The following KLHL1 variants were observed in gnomAD, a reference collection of about 807,000 sequenced individuals.
KLHL1 encodes kelch-like protein 1.
A neutral mutation model predicts 77.7 loss-of-function variants in KLHL1; 47 were observed. The observed-to-expected ratio is 0.60, with a 90% CI of 0.48 to 0.77. KLHL1 has a LOEUF of 0.77. Ranked by LOEUF, KLHL1 falls within the 30% of genes least tolerant of loss-of-function variation. The pLI is 0.00. For missense variants in KLHL1, 925 were observed against 910.8 expected, an observed-to-expected ratio of 1.02 and a Z score of -0.20; for synonymous variants, 360 against 325.2, an observed-to-expected ratio of 1.11 and a Z score of -1.15.
intron 4 of KLHL1, among the ~76,000 whole-genome samples, chr13:69,906,964 C>A (rs1468613099): frequency 1.3e-5 from 2 of 151,894 alleles, no homozygotes; most frequent in Non-Finnish European, 2.9e-5. Flanking sequence ...AAAATGAGTT[C>A]TCACTTTTCT....
chr13:69,735,352 T>A (rs1873720370), intron 8 of KLHL1, among the ~76,000 whole-genome samples: 1 of 151,220 alleles, frequency 6.6e-6, no homozygotes, highest in Non-Finnish European at 1.5e-5. Flanking sequence ...ATTTAGGTAA[T>A]CATTCTAAAA....
At chr13:69,829,607 G>A (rs954759534) in intron 6 of KLHL1, among the ~76,000 whole-genome samples, 1 of 149,932 alleles carries the variant, frequency 6.7e-6, no homozygotes, top group African/African-American at 2.5e-5. Flanking sequence ...TGAATTTCCA[G>A]AAAAAGAATT....
intron 7 of KLHL1, among the ~76,000 whole-genome samples, chr13:69,779,527 C>T (rs1473733639): frequency 6.6e-6 from 1 of 151,182 alleles, no homozygotes. Context: ...TTCTTTCCCT[C>T]TTTTTTTCTT....
chr13:70,001,764 CTA>C (rs1323682380), intron 1 of KLHL1, among the ~76,000 whole-genome samples: 1 of 151,380 alleles, frequency 6.6e-6, no homozygotes, highest in African/African-American at 2.4e-5. Flanking sequence ...TATAATAAAA[CTA>C]TGTCAGTAGA....
At chr13:69,736,690 G>A (rs3048164) in intron 8 of KLHL1, among the ~76,000 whole-genome samples, 45,998 of 134,892 alleles carry the variant, frequency 0.34, 7,332 homozygotes, top group African/African-American at 0.37. Context: ...ATATATATAT[G>A]TATATATATA....
At chr13:69,769,180 T>A (rs935649723) in intron 7 of KLHL1, among the ~76,000 whole-genome samples, 12 of 152,146 alleles carry the variant, frequency 7.9e-5, no homozygotes, top group African/African-American at 2.7e-4. Context: ...AGCAAGGAAA[T>A]GACATTAGGC....
intron 5 of KLHL1, among the ~76,000 whole-genome samples, chr13:69,844,793 A>G (rs1347403331): frequency 1.3e-5 from 2 of 151,508 alleles, no homozygotes; most frequent in African/African-American, 4.8e-5. Flanking sequence ...TATTAAGACA[A>G]CAAACATCAC....
chr13:69,940,467 A>G (rs1381596158), intron 3 of KLHL1, among the ~76,000 whole-genome samples: 1 of 152,118 alleles, frequency 6.6e-6, no homozygotes, highest in African/African-American at 2.4e-5. Context: ...TTCAATCAAC[A>G]TATCTGTATA....
intron 4 of KLHL1, among the ~76,000 whole-genome samples, chr13:69,922,061 T>C (rs1240389662): frequency 5.3e-5 from 8 of 151,938 alleles, no homozygotes; most frequent in Admixed American, 2.6e-4. Flanking sequence ...CCTGAGTAGC[T>C]GGGACTAAAC....
chr13:70,004,623 T>C (rs1464088325), intron 1 of KLHL1, among the ~76,000 whole-genome samples: 1 of 151,970 alleles, frequency 6.6e-6, no homozygotes, highest in Non-Finnish European at 1.5e-5. Context: ...CATTTAAATA[T>C]GTACAAAGAC....
At chr13:69,975,862 A>T in intron 1 of KLHL1, 60 bp from the exon 2 acceptor site, 2 of 1,459,116 alleles carry the variant, frequency 1.4e-6, no homozygotes, top group Non-Finnish European at 9.0e-7. Context: ...ATAAAGAGCC[A>T]ATTATCTAGA....
intron 4 of KLHL1, among the ~76,000 whole-genome samples, chr13:69,925,222 T>G (rs1181388097): frequency 6.6e-6 from 1 of 152,234 alleles, no homozygotes; most frequent in Non-Finnish European, 1.5e-5. Context: ...CTAGTTTTCA[T>G]AATTTGAATT....
At chr13:70,036,182 G>A (rs894210193) in intron 1 of KLHL1, among the ~76,000 whole-genome samples, 1 of 151,902 alleles carries the variant, frequency 6.6e-6, no homozygotes, top group Non-Finnish European at 1.5e-5. Context: ...CACACCAGTT[G>A]TATCTAGGTG....
At chr13:70,105,765 T>C (rs1219052624) in intron 1 of KLHL1, among the ~76,000 whole-genome samples, 1 of 151,092 alleles carries the variant, frequency 6.6e-6, no homozygotes, top group East Asian at 2.0e-4. Context: ...TATAACTTCA[T>C]AGTATTCATA....
chr13:70,013,594 T>A (rs1885587698), intron 1 of KLHL1, among the ~76,000 whole-genome samples: 1 of 152,126 alleles, frequency 6.6e-6, no homozygotes, highest in African/African-American at 2.4e-5. Flanking sequence ...TTTTAATAGT[T>A]AATTTTTTTT....
At chr13:70,054,702 A>T (rs1321472523) in intron 1 of KLHL1, among the ~76,000 whole-genome samples, 2 of 151,862 alleles carry the variant, frequency 1.3e-5, no homozygotes, top group Admixed American at 1.3e-4. Context: ...CTCTCAGACA[A>T]ATTTAAAAAG....
chr13:69,775,881 G>A (rs1024132871), intron 7 of KLHL1, among the ~76,000 whole-genome samples: 6 of 152,080 alleles, frequency 3.9e-5, no homozygotes, highest in Admixed American at 6.6e-5. Context: ...GGCCAGGCAT[G>A]GTGGCTCATG....
chr13:69,934,841 C>A (rs910357144), intron 4 of KLHL1, among the ~76,000 whole-genome samples: 1 of 151,450 alleles, frequency 6.6e-6, no homozygotes, highest in Non-Finnish European at 1.5e-5. Flanking sequence ...CTAATTCTAC[C>A]TCATTTTTTA....
chr13:69,727,326 A>C (rs923634264), intron 8 of KLHL1, among the ~76,000 whole-genome samples: 1 of 152,172 alleles, frequency 6.6e-6, no homozygotes, highest in Non-Finnish European at 1.5e-5. Context: ...TTTGTTTATC[A>C]ATCTAGAGAG....
Sources: allele counts gnomAD v4.1 joint callset (sites outside exome capture counted in the v4.1 genomes callset), GRCh38; gene constraint gnomAD v4.1.1; transcripts MANE v1.5; gene names NCBI Gene and HGNC (gene_info 2026-07-23, HGNC 2026-07-21).